Variants in TNS1 observed in about 807,000 individuals in gnomAD.
The protein encoded by TNS1 is tensin-1.
A neutral mutation model predicts 168.6 loss-of-function variants in TNS1; 62 were observed. The ratio of observed to expected loss-of-function variants is 0.37; its 90% CI spans 0.30 to 0.45. The LOEUF (loss-of-function observed/expected upper bound fraction) is 0.45. TNS1 is among the 20% of genes least tolerant of loss of function. The pLI, the probability that TNS1 is intolerant of heterozygous loss-of-function variation, is 1.00. For synonymous variants in TNS1, 934 were observed against 933.2 expected, an observed-to-expected ratio of 1.00 and a Z score of -0.02; for missense variants, 2,240 against 2,339.4, an observed-to-expected ratio of 0.96 and a Z score of 0.88.
chr2:217,910,167 G>A (rs1022428134), intron 4 of TNS1, among the ~76,000 whole-genome samples: 1 of 152,122 alleles, frequency 6.6e-6, no homozygotes, highest in African/African-American at 2.4e-5. Context: ...AGCAGTGCAA[G>A]AGAAACTTTC....
chr2:217,905,201 G>A (rs1419605887), intron 6 of TNS1: 1 of 254,430 alleles, frequency 3.9e-6, no homozygotes, highest in East Asian at 1.2e-4. Context: ...AAAAAATTAG[G>A]TTCCCCCTGC....
intron 32 of TNS1, 117 bp from the exon 33 acceptor site, chr2:217,804,720 G>A: frequency 1.5e-6 from 2 of 1,311,520 alleles, no homozygotes; most frequent in African/African-American, 2.9e-5. Context: ...CATCCCTCCA[G>A]CAGGCCTCAG....
chr2:217,903,709 G>T, intron 6 of TNS1: 1 of 1,035,230 alleles, frequency 9.7e-7, no homozygotes, highest in Non-Finnish European at 1.4e-6. Flanking sequence ...TTTCCTCCTG[G>T]TATCTAACCC....
intron 4 of TNS1, among the ~76,000 whole-genome samples, chr2:217,919,388 C>T (rs549411710): frequency 2.1e-4 from 32 of 152,246 alleles, no homozygotes; most frequent in Non-Finnish European, 3.8e-4. Flanking sequence ...CAGCCTGATC[C>T]GATTGTGCCC....
At chr2:217,888,660 G>A (rs1307763293) in intron 12 of TNS1, among the ~76,000 whole-genome samples, 5 of 152,058 alleles carry the variant, frequency 3.3e-5, no homozygotes, top group South Asian at 2.1e-4. Flanking sequence ...AAGATCCGAT[G>A]GTTTTGTAAG....
At chr2:217,847,362 G>A in intron 19 of TNS1, 148 bp downstream of exon 19, 2 of 690,526 alleles carry the variant, frequency 2.9e-6, no homozygotes. Context: ...ATGCAGGAAG[G>A]GATAACTGGC....
intron 1 of TNS1, among the ~76,000 whole-genome samples, chr2:217,998,507 C>T (rs537350010): frequency 1.3e-4 from 20 of 152,204 alleles, no homozygotes; most frequent in African/African-American, 3.9e-4. Context: ...TTTCCCAGGG[C>T]CTTTCCTCCA....
Position 217,813,698 on chromosome 2 carries a change from C to A in TNS1, c.4848G>T (p.Gln1616His). 2 of 1,610,714 alleles carry A rather than the reference C, an allele frequency of 1.2e-6. No individual in the cohort carries two copies. Among genetic ancestry groups the A allele is most frequent in the Non-Finnish European group, 8.5e-7 (1 of 1,178,364 alleles). Residue 1616 changes from glutamine to histidine, a missense_variant, in exon 26 of 33, where the codon CAG becomes CAT. By Grantham distance (24) the Gln-to-His change is conservative. Around this residue, in one of 2 missense-constraint regions of TNS1, gnomAD observed 2,131 missense variants for 2,171.2 expected, o/e 0.98. Coordinates refer to ENST00000682258, the MANE Select transcript of TNS1 (RefSeq NM_001387777.1). This position sits in a 1 kb window ranked among gnomAD's most constrained non-coding sequence, Gnocchi z 4.0. Reference sequence around the variant, plus strand: ...AGATGAGGTTACCTTTTTTATTCTGCTGCATGATGGTTGGAGGTGGCGAAG... The same window carrying A: ...AGATGAGGTTACCTTTTTTATTCTGATGCATGATGGTTGGAGGTGGCGAAG... Reference protein sequence around the residue: ...KVSSPPPTIMQQNKKGDMTHE... With the variant: ...KVSSPPPTIMHQNKKGDMTHE...
At chr2:217,985,601 T>C (rs1165201142) in intron 2 of TNS1, 2 of 152,086 alleles carry the variant, frequency 1.3e-5, no homozygotes, top group African/African-American at 2.4e-5. Flanking sequence ...TATTCTTTTT[T>C]AGTAGAGATG....
Position 217,880,861 on chromosome 2 carries a change from T to G in TNS1, c.1429+37A>C. The G allele has an allele frequency of 6.7e-7, 1 of 1,497,008 alleles. No individual in the cohort carries two copies. Among genetic ancestry groups the G allele is most frequent in the Non-Finnish European group, 9.3e-7 (1 of 1,073,572 alleles). 92.7% of individuals were successfully genotyped at this position (1,497,008 alleles called of 1,614,324 possible). ...GGTCATGTGAGCAGAGGCTGTGCAG[T>G]TTGGATAGGGGCTGGGAGCCACTAG... On this transcript the variant is annotated intron_variant, in intron 18 of 32. Transcript: ENST00000682258. This position sits in a 1 kb window ranked among gnomAD's most constrained non-coding sequence, Gnocchi z 4.2.
chr2:217,810,283 G>A lies in TNS1; in HGVS notation c.5069C>T (p.Ala1690Val). 1 of 1,614,166 alleles carries A rather than the reference G, an allele frequency of 6.2e-7. No homozygotes were observed. The highest frequency in any genetic ancestry group is 1.3e-5 in the African/African-American group (1 of 75,036). ...TTTCAGCAGGTCTGCAGTTGAGTTG[G>A]CAGGGCCGGAGCTATCTTTCGATTC... ...TDESKDSSGP[A>V]NSTADLLKQG... The change falls in exon 29 of 33, where the codon GCC (alanine) becomes GTC (valine). Residue 1690 changes from alanine to valine, a missense_variant. By Grantham distance (64) the Ala-to-Val change is moderately conservative. Transcript: ENST00000682258.
At chr2:217,806,886 G>A (rs1939226721) in intron 32 of TNS1, among the ~76,000 whole-genome samples, 1 of 152,204 alleles carries the variant, frequency 6.6e-6, no homozygotes, top group South Asian at 2.1e-4. Context: ...TTGCAGGCTG[G>A]TGGCCATGAG....
chr2:217,914,513 T>G (rs1575062410), intron 4 of TNS1, among the ~76,000 whole-genome samples: 1 of 152,154 alleles, frequency 6.6e-6, no homozygotes, highest in African/African-American at 2.4e-5. Context: ...TTTTTTGTTT[T>G]GTTTTTGTTT....
At chr2:217,940,701 C>T (rs1204952284) in intron 3 of TNS1, among the ~76,000 whole-genome samples, 1 of 152,166 alleles carries the variant, frequency 6.6e-6, no homozygotes, top group Admixed American at 6.5e-5. Context: ...ATCTCAATCT[C>T]CTACTGTGTC....
At chr2:217,967,322 AAAAT>A (rs528731154) in intron 3 of TNS1, among the ~76,000 whole-genome samples, 3 of 152,096 alleles carry the variant, frequency 2.0e-5, no homozygotes, top group African/African-American at 4.8e-5. Context: ...CTCGGTCTCA[AAAAT>A]AAATAAATAA....
At chr2:217,947,687 A>G (rs970088998) in intron 3 of TNS1, among the ~76,000 whole-genome samples, 3 of 152,162 alleles carry the variant, frequency 2.0e-5, no homozygotes, top group African/African-American at 7.2e-5. Context: ...AGAAGCAGAG[A>G]AGAAAGGCGA....
chr2:217,958,330 C>T (rs1222999226), intron 3 of TNS1, among the ~76,000 whole-genome samples: 1 of 152,184 alleles, frequency 6.6e-6, no homozygotes, highest in East Asian at 1.9e-4. Context: ...CAAGGTGCCC[C>T]TTCATGGGAA....
intron 7 of TNS1, 150 bp from the exon 8 acceptor site, chr2:217,898,119 G>T: frequency 1.0e-6 from 1 of 966,380 alleles, no homozygotes; most frequent in Non-Finnish European, 1.4e-6. Flanking sequence ...AAGGCCACAG[G>T]CTTCCTCTGG....
intron 3 of TNS1, among the ~76,000 whole-genome samples, chr2:217,956,989 G>C (rs1185263910): frequency 6.6e-6 from 1 of 152,228 alleles, no homozygotes; most frequent in Non-Finnish European, 1.5e-5. Context: ...GGGAGCGTCA[G>C]AGCAGTGACC....
Sources: allele counts gnomAD v4.1 joint callset (sites outside exome capture counted in the v4.1 genomes callset), GRCh38; gene constraint gnomAD v4.1.1; regional missense constraint gnomAD v4.1.1; non-coding constraint Gnocchi (gnomAD v3.1); transcripts MANE v1.5; gene names NCBI Gene and HGNC (gene_info 2026-07-23, HGNC 2026-07-21).